MNAT1: variants seen among roughly 807,000 people sequenced by gnomAD.
The protein encoded by MNAT1 is CDK-activating kinase assembly factor MAT1.
A neutral mutation model predicts 42.0 loss-of-function variants in MNAT1; 43 were observed. The ratio of observed to expected loss-of-function variants is 1.02; its 90% CI spans 0.80 to 1.32. MNAT1 has a LOEUF of 1.32. Among genes scored for constraint, MNAT1 ranks in the 40% most tolerant of loss-of-function variants. MNAT1 has a pLI of 0.00. For missense variants in MNAT1, 306 were observed against 350.4 expected, an observed-to-expected ratio of 0.87 and a Z score of 1.01; for synonymous variants, 118 against 120.0, an observed-to-expected ratio of 0.98 and a Z score of 0.11.
intron 1 of MNAT1, among the ~76,000 whole-genome samples, chr14:60,793,691 T>G (rs1016959083): frequency 6.6e-6 from 1 of 152,118 alleles, no homozygotes; most frequent in African/African-American, 2.4e-5. Flanking sequence ...TTTTTAATGA[T>G]TAGTTTTTAT....
chr14:60,791,665 C>T (rs533959109), intron 1 of MNAT1, among the ~76,000 whole-genome samples: 123 of 152,202 alleles, frequency 8.1e-4, no homozygotes, highest in Non-Finnish European at 1.2e-3. Flanking sequence ...AACTGGATCC[C>T]GTGGCTAATT....
intron 1 of MNAT1, among the ~76,000 whole-genome samples, chr14:60,741,658 G>GTTTTTTTTTTTTT (rs3049888): frequency 2.5e-4 from 23 of 92,000 alleles, no homozygotes; most frequent in Non-Finnish European, 4.0e-4. Flanking sequence ...TGCGCCTGGG[G>GTTTTTTTTTTTTT]TTTTTTTTTT....
intron 7 of MNAT1, among the ~76,000 whole-genome samples, chr14:60,943,536 C>T (rs374667485): frequency 6.6e-6 from 1 of 151,976 alleles, no homozygotes; most frequent in Non-Finnish European, 1.5e-5. Flanking sequence ...TTTTGTTTTT[C>T]ATATCATCTC....
chr14:60,884,842 A>T (rs920899111), intron 7 of MNAT1, among the ~76,000 whole-genome samples: 12 of 151,906 alleles, frequency 7.9e-5, no homozygotes, highest in African/African-American at 2.2e-4. Flanking sequence ...TTTTCTTTCT[A>T]ATTGAAGAAC....
chr14:60,776,704 T>A (rs2031265035), intron 1 of MNAT1, among the ~76,000 whole-genome samples: 2 of 152,158 alleles, frequency 1.3e-5, no homozygotes, highest in African/African-American at 4.8e-5. Context: ...CTTTGGATCA[T>A]ATTCACTATA....
At chr14:60,951,745 T>C (rs1343655130) in intron 7 of MNAT1, among the ~76,000 whole-genome samples, 4 of 152,176 alleles carry the variant, frequency 2.6e-5, no homozygotes, top group Admixed American at 1.3e-4. Context: ...GACTCTTTTA[T>C]AAGTGAGGTT....
At chr14:60,869,665 A>G (rs2034285986) in intron 6 of MNAT1, among the ~76,000 whole-genome samples, 2 of 152,180 alleles carry the variant, frequency 1.3e-5, no homozygotes, top group Admixed American at 1.3e-4. Context: ...AGCACTTTGT[A>G]ATTACAACCT....
chr14:60,766,358 GAAAA>G (rs1285881762), intron 1 of MNAT1, among the ~76,000 whole-genome samples: 2 of 140,450 alleles, frequency 1.4e-5, no homozygotes, highest in Non-Finnish European at 1.6e-5. Flanking sequence ...AAAAAAAAAA[GAAAA>G]AAAAGAAATA....
chr14:60,814,173 A>G (rs2032640710), intron 5 of MNAT1, among the ~76,000 whole-genome samples: 1 of 152,156 alleles, frequency 6.6e-6, no homozygotes, highest in South Asian at 2.1e-4. Context: ...CTTTGTGACA[A>G]TATATTTTAT....
intron 1 of MNAT1, among the ~76,000 whole-genome samples, chr14:60,759,597 A>G (rs1357990267): frequency 6.6e-6 from 1 of 152,164 alleles, no homozygotes; most frequent in Non-Finnish European, 1.5e-5. Context: ...GGCCAGTTTG[A>G]TGAATGTTGG....
intron 1 of MNAT1, among the ~76,000 whole-genome samples, chr14:60,765,023 G>A (rs905423531): frequency 2.6e-5 from 4 of 152,146 alleles, no homozygotes; most frequent in East Asian, 1.9e-4. Context: ...GGCTGAGGCG[G>A]GTGGATCACC....
At chr14:60,905,710 A>G (rs2035182164) in intron 7 of MNAT1, among the ~76,000 whole-genome samples, 1 of 152,220 alleles carries the variant, frequency 6.6e-6, no homozygotes, top group Non-Finnish European at 1.5e-5. Context: ...ATGTCCAAGG[A>G]CAGAGTAAAT....
At chr14:60,936,090 C>A (rs898557303) in intron 7 of MNAT1, among the ~76,000 whole-genome samples, 1 of 152,146 alleles carries the variant, frequency 6.6e-6, no homozygotes, top group Admixed American at 6.5e-5. Flanking sequence ...CTACTGGTGG[C>A]TCCACCCCGT....
intron 1 of MNAT1, among the ~76,000 whole-genome samples, chr14:60,767,853 T>C (rs1157978147): frequency 6.6e-6 from 1 of 152,118 alleles, no homozygotes; most frequent in Non-Finnish European, 1.5e-5. Context: ...CAACCTCCGC[T>C]CCCTGGTTCA....
At chr14:60,788,242 A>G (rs1038589225) in intron 1 of MNAT1, among the ~76,000 whole-genome samples, 8 of 152,130 alleles carry the variant, frequency 5.3e-5, no homozygotes, top group Admixed American at 3.9e-4. Context: ...TTCATTGTCA[A>G]TGGGCAGTAA....
chr14:60,746,018 G>A (rs1311141629), intron 1 of MNAT1, among the ~76,000 whole-genome samples: 1 of 152,032 alleles, frequency 6.6e-6, no homozygotes, highest in Non-Finnish European at 1.5e-5. Context: ...TGTAAGAGTT[G>A]GTGTTGTATG....
chr14:60,750,529 C>CTTTTT (rs775053270), intron 1 of MNAT1, among the ~76,000 whole-genome samples: 2 of 90,676 alleles, frequency 2.2e-5, no homozygotes, highest in Non-Finnish European at 2.3e-5. Context: ...TGCGCCCAGC[C>CTTTTT]TTTTTTTTTT....
At chr14:60,965,172 T>C (rs894131114) in intron 7 of MNAT1, among the ~76,000 whole-genome samples, 7 of 152,208 alleles carry the variant, frequency 4.6e-5, no homozygotes, top group African/African-American at 1.7e-4. Context: ...TTCAGTGCTA[T>C]GCAAAGAAAT....
intron 7 of MNAT1, among the ~76,000 whole-genome samples, chr14:60,953,833 G>T (rs889943617): frequency 6.6e-6 from 1 of 152,036 alleles, no homozygotes; most frequent in Non-Finnish European, 1.5e-5. Context: ...ACAGGTGTGA[G>T]GTGATACCTC....
Sources: gnomAD v4.1 joint callset for allele counts (sites outside exome capture counted in the v4.1 genomes callset) on GRCh38, gnomAD v4.1.1 for gene constraint, MANE v1.5 for transcripts, NCBI Gene and HGNC (gene_info 2026-07-23, HGNC 2026-07-21) for gene names.